Variants in SGCG observed in about 807,000 individuals in gnomAD.
SGCG encodes gamma-sarcoglycan.
In SGCG, 26 loss-of-function variants were observed where a neutral mutation model predicts 29.3. The ratio of observed to expected loss-of-function variants is 0.89; its 90% CI spans 0.65 to 1.23. The LOEUF is 1.23. Among genes scored for constraint, SGCG ranks in the 50% most tolerant of loss-of-function variants. The pLI is 0.00. For synonymous variants in SGCG, 145 were observed against 129.7 expected (o/e 1.12, Z -0.80); for missense variants, 353 against 356.0 (o/e 0.99, Z 0.07).
intron 5 of SGCG, among the ~76,000 whole-genome samples, chr13:23,289,594 T>A (rs1165826839): frequency 6.6e-6 from 1 of 151,634 alleles, no homozygotes; most frequent in Non-Finnish European, 1.5e-5. Context: ...GATTTATTGT[T>A]TATAACATAA....
rs150743714 is a variant in SGCG at position 23,189,325 on chromosome 13, T to A, written c.-1+8250T>A. The stretch of plus-strand genomic sequence containing the variant: ...CTGAGTAGCTGGGACTATAGGTGCA[T>A]GCCACCACGCCTGGCTATTTTTTGT... On this transcript the variant is annotated intron_variant, in intron 1 of 7. Coordinates refer to ENST00000218867, the MANE Select transcript of SGCG (RefSeq NM_000231.3). Among the ~76,000 whole-genome samples, 1,439 of 152,250 alleles carry A rather than the reference T, an allele frequency of 9.5e-3. 30 individuals carry two copies. Among genetic ancestry groups the A allele is most frequent in the African/African-American group, 0.033 (1,362 of 41,538 alleles).
chr13:23,262,483 G>A (rs1880478033), intron 4 of SGCG, among the ~76,000 whole-genome samples: 4 of 151,704 alleles, frequency 2.6e-5, no homozygotes, highest in Admixed American at 2.6e-4. Flanking sequence ...ACGTACTTAA[G>A]TCCAGAGCTC....
At chr13:23,181,211 G>T (rs1876722557) in intron 1 of SGCG, 136 bp downstream of exon 1, 1 of 152,060 alleles carries the variant, frequency 6.6e-6, no homozygotes, top group Non-Finnish European at 1.5e-5. Flanking sequence ...GAATAAATTG[G>T]TGTATCACAA....
At chr13:23,215,345 A>T (rs571708714) in intron 2 of SGCG, among the ~76,000 whole-genome samples, 1 of 152,324 alleles carries the variant, frequency 6.6e-6, no homozygotes, top group South Asian at 2.1e-4. Flanking sequence ...TAATAAAGAT[A>T]ATATCTTGAA....
chr13:23,169,604 G>A, the SGCG span, among the ~76,000 whole-genome samples: 1 of 151,612 alleles, frequency 6.6e-6, no homozygotes, highest in Non-Finnish European at 1.5e-5. Flanking sequence ...GCTTGAACCA[G>A]GGAGGCAAAG....
At chr13:23,286,940 C>A (rs1593220757) in intron 5 of SGCG, among the ~76,000 whole-genome samples, 1 of 152,096 alleles carries the variant, frequency 6.6e-6, no homozygotes, top group South Asian at 2.1e-4. Flanking sequence ...CCTCAGAGAG[C>A]AAAATTGCAG....
chr13:23,173,366 C>T, the SGCG span, among the ~76,000 whole-genome samples: 1 of 152,200 alleles, frequency 6.6e-6, no homozygotes, highest in African/African-American at 2.4e-5. Flanking sequence ...CATAAATCCA[C>T]TTTTCTTGGG....
intron 3 of SGCG, among the ~76,000 whole-genome samples, chr13:23,236,769 A>G (rs1208871404): frequency 6.6e-6 from 1 of 152,180 alleles, no homozygotes; most frequent in South Asian, 2.1e-4. Flanking sequence ...AAGCAAAATT[A>G]TAGCGAATAT....
chr13:23,220,281 G>C (rs980579930), intron 2 of SGCG, among the ~76,000 whole-genome samples: 1 of 152,116 alleles, frequency 6.6e-6, no homozygotes, highest in Admixed American at 6.5e-5. Context: ...GGAGAAACCC[G>C]TCTCTACTAA....
At chr13:23,250,455 T>C (rs1879917148) in intron 3 of SGCG, among the ~76,000 whole-genome samples, 175 bp from the exon 4 acceptor site, 1 of 152,196 alleles carries the variant, frequency 6.6e-6, no homozygotes. Context: ...ACTCAAAATG[T>C]TAAAAAAATA....
At chr13:23,259,975 A>G (rs1307230403) in intron 4 of SGCG, among the ~76,000 whole-genome samples, 7 of 152,120 alleles carry the variant, frequency 4.6e-5, no homozygotes, top group African/African-American at 7.2e-5. Context: ...TATGTGGTCA[A>G]TTTTGGAATA....
At chr13:23,189,441 G>A (rs1565992752) in intron 1 of SGCG, among the ~76,000 whole-genome samples, 2 of 152,172 alleles carry the variant, frequency 1.3e-5, no homozygotes, top group Admixed American at 1.3e-4. Flanking sequence ...CCTCCAAAGT[G>A]CTGGAATTAC....
At position 23,236,400 on chromosome 13, in the gene SGCG, A is replaced by G. The variant is rs544010286; in HGVS notation, c.297+1688A>G. On this transcript the variant is annotated intron_variant, in intron 3 of 7. Transcript: ENST00000218867. ...AATTAATAATAACTCTCAGTTGGCC[A>G]GGCGTGGTGGCTCACGCCTGTAATC... Among the ~76,000 whole-genome samples the G allele has an allele frequency of 5.3e-5, 8 of 152,218 alleles. No homozygotes were observed. The South Asian group carries it at 8.3e-4, about 16-fold the overall frequency.
intron 6 of SGCG, among the ~76,000 whole-genome samples, chr13:23,315,170 C>A (rs944349251): frequency 6.6e-6 from 1 of 152,192 alleles, no homozygotes; most frequent in African/African-American, 2.4e-5. Flanking sequence ...CTGAAGATAA[C>A]TACTGTCCTT....
At chr13:23,304,168 A>T (rs1480592340) in intron 6 of SGCG, among the ~76,000 whole-genome samples, 1 of 152,014 alleles carries the variant, frequency 6.6e-6, no homozygotes, top group Non-Finnish European at 1.5e-5. Flanking sequence ...GTTTTAAATA[A>T]TTTTTCCCAG....
chr13:23,228,492 G>T (rs1013300016), intron 2 of SGCG, among the ~76,000 whole-genome samples: 1 of 152,016 alleles, frequency 6.6e-6, no homozygotes, highest in African/African-American at 2.4e-5. Context: ...ACATGTGTAG[G>T]TTTGTTATAT....
chr13:23,205,547 T>C (rs578403), intron 2 of SGCG, among the ~76,000 whole-genome samples: 37,283 of 152,142 alleles, frequency 0.25, 4,895 homozygotes, highest in Middle Eastern at 0.33. Context: ...TTATGAAATA[T>C]GGGTGAATTA....
Position 23,320,622 on chromosome 13 carries a change from T to C in SGCG, c.579-15T>C. The C allele has an allele frequency of 6.4e-7, 1 of 1,553,158 alleles. No individual in the cohort carries two copies. The highest frequency in any genetic ancestry group is 8.7e-7 in the Non-Finnish European group (1 of 1,144,186). ...CTTTTTTTTTTTTTTTTTGTGCTTC[T>C]TTTCCTCATCTCAGATTAGAATCCC... On this transcript the variant is annotated splice_polypyrimidine_tract_variant and intron_variant, in intron 6 of 7. Coordinates refer to ENST00000218867, the MANE Select transcript of SGCG (RefSeq NM_000231.3).
intron 4 of SGCG, among the ~76,000 whole-genome samples, chr13:23,270,021 C>A (rs1320373028): frequency 6.6e-6 from 1 of 151,896 alleles, no homozygotes; most frequent in East Asian, 1.9e-4. Context: ...ACTACAGGCG[C>A]CCGCCACCAT....
Sources: allele counts gnomAD v4.1 joint callset (sites outside exome capture counted in the v4.1 genomes callset), GRCh38; gene constraint gnomAD v4.1.1; transcripts MANE v1.5; gene names NCBI Gene and HGNC (gene_info 2026-07-23, HGNC 2026-07-21).